Variants in ANXA8 observed in about 807,000 individuals in gnomAD.
ANXA8 encodes annexin A8, also known as VAC-beta.
ANXA8 carries 9 observed loss-of-function variants against 26.8 expected under a neutral mutation model. The ratio of observed to expected loss-of-function variants is 0.34; its 90% CI spans 0.20 to 0.59. ANXA8 has a LOEUF of 0.59. Ranked by LOEUF, ANXA8 falls within the 20% of genes least tolerant of loss-of-function variation. ANXA8 has a pLI of 0.84. For synonymous variants in ANXA8, 39 were observed against 94.8 expected (o/e 0.41, Z 3.42); for missense variants, 83 against 238.5 (o/e 0.35, Z 4.29).
rs1348437185 is a variant in ANXA8 at position 47,482,123 on chromosome 10, C to T, written c.21+1790G>A. 6.3e-3 allele frequency among the ~76,000 whole-genome samples: 867 copies of T among 137,660 alleles called. 158 individuals carry two copies. Among genetic ancestry groups the T allele is most frequent in the African/African-American group, 0.023 (815 of 35,892 alleles). 90.3% of individuals were successfully genotyped at this position (137,660 alleles called of 152,430 possible). A position where few individuals can be genotyped will look rare whatever the true frequency, so the allele number is the denominator to read the frequency against. ...CAGTGGCTCCCTCATCTCCTCCCAT[C>T]GCGTTCCTGGCCCAGCTTTGTGCCT... On this transcript the variant is annotated intron_variant, in intron 1 of 11. Coordinates refer to ENST00000585281, the MANE Select transcript of ANXA8 (RefSeq NM_001040084.3).
chr10:47,639,000 T>G, the ANXA8 span, among the ~76,000 whole-genome samples: 105 of 149,462 alleles, frequency 7.0e-4, no homozygotes, highest in African/African-American at 1.6e-3. Context: ...GTGACTAATA[T>G]ATTATGAATT....
chr10:47,623,282 T>C, the ANXA8 span, among the ~76,000 whole-genome samples: 1 of 110,554 alleles, frequency 9.0e-6, no homozygotes, highest in East Asian at 2.2e-4. Context: ...TTTCCACTTA[T>C]GAGCTTGCTA....
the ANXA8 span, among the ~76,000 whole-genome samples, chr10:47,705,411 G>A: frequency 2.3e-5 from 3 of 129,308 alleles, no homozygotes; most frequent in Non-Finnish European, 3.3e-5. Flanking sequence ...AGAATAGAAG[G>A]GGAAGGAATG....
chr10:47,689,891 A>G, the ANXA8 span: 7 of 1,287,960 alleles, frequency 5.4e-6, 1 homozygote, highest in East Asian at 4.7e-5. Context: ...CTTGAAAACT[A>G]TGAAGTCCCA....
chr10:47,565,192 C>A, the ANXA8 span: 1 of 676,534 alleles, frequency 1.5e-6, no homozygotes, highest in South Asian at 1.6e-5. Context: ...GCGACGCGGG[C>A]ACCCCCTCAG....
chr10:47,571,096 A>C, the ANXA8 span, among the ~76,000 whole-genome samples: 1 of 137,982 alleles, frequency 7.2e-6, no homozygotes, highest in African/African-American at 2.8e-5. Flanking sequence ...AGCCTTCATA[A>C]TTTTCAAAAG....
At chr10:47,666,190 C>G in the ANXA8 span, among the ~76,000 whole-genome samples, 1 of 137,730 alleles carries the variant, frequency 7.3e-6, no homozygotes, top group African/African-American at 2.8e-5. Context: ...CCGCCCCCCC[C>G]ATCCCCCACC....
the ANXA8 span, among the ~76,000 whole-genome samples, chr10:47,613,723 G>A: frequency 2.7e-5 from 2 of 73,946 alleles, 1 homozygote; most frequent in Non-Finnish European, 6.9e-5. Flanking sequence ...GGGTTGGGGG[G>A]AAGGTTTTGG....
the ANXA8 span, among the ~76,000 whole-genome samples, chr10:47,777,635 T>C: frequency 6.6e-6 from 1 of 152,186 alleles, no homozygotes; most frequent in East Asian, 1.9e-4. Flanking sequence ...TCCCAGGGAG[T>C]GGAGCAGAGT....
the ANXA8 span, among the ~76,000 whole-genome samples, chr10:47,493,793 C>T: frequency 6.8e-6 from 1 of 147,566 alleles, no homozygotes; most frequent in East Asian, 2.2e-4. Flanking sequence ...ATTTAATGCA[C>T]TGCCTTGGTG....
At chr10:47,761,039 G>A in the ANXA8 span, 7 of 612,748 alleles carry the variant, frequency 1.1e-5, no homozygotes, top group East Asian at 1.7e-4. Flanking sequence ...AAGCCATCGG[G>A]AGCCAGGAGG....
chr10:47,941,423 G>A, the ANXA8 span, among the ~76,000 whole-genome samples: 6 of 147,048 alleles, frequency 4.1e-5, no homozygotes, highest in South Asian at 1.3e-3. Context: ...GGGAGGCCAA[G>A]GTAGATGGAT....
the ANXA8 span, among the ~76,000 whole-genome samples, chr10:47,717,858 CATG>C: frequency 5.4e-4 from 82 of 152,010 alleles, no homozygotes; most frequent in African/African-American, 2.0e-3. Context: ...ATTAGCCAGG[CATG>C]ATGTCGGGTG....
At chr10:47,980,749 G>A in the ANXA8 span, among the ~76,000 whole-genome samples, 1 of 149,408 alleles carries the variant, frequency 6.7e-6, no homozygotes, top group East Asian at 1.9e-4. Flanking sequence ...TAGAAAGACA[G>A]GAACTACAAA....
At chr10:47,474,099 ACCT>A (rs1474979326) in intron 8 of ANXA8, 34 bp from the exon 9 acceptor site, 3 of 514,662 alleles carry the variant, frequency 5.8e-6, no homozygotes, top group Non-Finnish European at 6.7e-6. Context: ...GGATGGTCAG[ACCT>A]CCTCGTGATG....
the ANXA8 span, among the ~76,000 whole-genome samples, chr10:47,939,197 G>A: frequency 2.1e-5 from 3 of 144,700 alleles, no homozygotes; most frequent in Middle Eastern, 3.2e-3. Context: ...CAGCTACTTG[G>A]GAGGCTGAGG....
chr10:47,762,345 G>C, the ANXA8 span, among the ~76,000 whole-genome samples: 5 of 145,832 alleles, frequency 3.4e-5, no homozygotes, highest in South Asian at 1.1e-3. Flanking sequence ...CACCTGGGGC[G>C]GGCCAAAAAG....
chr10:47,486,883 G>A (rs1465236473), upstream of ANXA8, among the ~76,000 whole-genome samples: 3 of 147,890 alleles, frequency 2.0e-5, no homozygotes, highest in African/African-American at 7.5e-5. Context: ...TGAGGCAGGA[G>A]AATTGCTTGA....
chr10:47,748,118 T>A, the ANXA8 span, among the ~76,000 whole-genome samples: 1 of 151,918 alleles, frequency 6.6e-6, no homozygotes, highest in African/African-American at 2.4e-5. Context: ...TAAATAAATA[T>A]AGGCTGAGAA....
Sources: gnomAD v4.1 joint callset for allele counts (sites outside exome capture counted in the v4.1 genomes callset) on GRCh38, gnomAD v4.1.1 for gene constraint, MANE v1.5 for transcripts, NCBI Gene and HGNC (gene_info 2026-07-23, HGNC 2026-07-21) for gene names.